DNAH5: variants seen among roughly 807,000 people sequenced by gnomAD.
DNAH5 encodes dynein axonemal heavy chain 5.
DNAH5 carries 372 observed loss-of-function variants against 518.2 expected under a neutral mutation model. The observed-to-expected ratio is 0.72, with a 90% CI of 0.66 to 0.78. The LOEUF (loss-of-function observed/expected upper bound fraction) is 0.78, where lower values mean the gene tolerates loss of function less well. Among genes scored for constraint, DNAH5 ranks in the 30% least tolerant of loss-of-function variants. The pLI, the probability that DNAH5 is intolerant of heterozygous loss-of-function variation, is 0.00. For missense variants in DNAH5, 5,523 were observed against 5,687.0 expected (o/e 0.97, Z 0.93); for synonymous variants, 2,039 against 2,025.9 (o/e 1.01, Z -0.17).
intron 50 of DNAH5, among the ~76,000 whole-genome samples, chr5:13,790,125 G>A (rs1756720930): frequency 6.6e-6 from 1 of 152,140 alleles, no homozygotes; most frequent in African/African-American, 2.4e-5. Context: ...TTCAAGCATT[G>A]TGGAATGCAC....
chr5:13,867,818 C>T lies in DNAH5; in HGVS notation c.4009G>A (p.Val1337Ile). ...AACTGGTGACAATCTTGGAGGAATA[C>T]CTCCACAGCACTAATAAGCTCTTTC... is the stretch of plus-strand genomic sequence containing the variant. ...FKKELISAVE[V>I]FLQDCHQFYL... The change falls in exon 25 of 79, where the codon GTA (valine) becomes ATA (isoleucine). Residue 1337 changes from valine to isoleucine, a missense_variant. Val to Ile is a conservative substitution (Grantham distance 29). Transcript: ENST00000265104. 2 of 1,613,966 alleles carry T rather than the reference C, an allele frequency of 1.2e-6. No homozygotes were observed. The highest frequency in any genetic ancestry group is 1.7e-6 in the Non-Finnish European group (2 of 1,179,940).
chr5:13,746,222 A>G (rs530533734), intron 65 of DNAH5, among the ~76,000 whole-genome samples: 4 of 152,142 alleles, frequency 2.6e-5, no homozygotes, highest in Non-Finnish European at 5.9e-5. Context: ...AGAAGCTCTT[A>G]CTAGGACAAT....
At chr5:13,996,800 C>G (rs940258514) in intron 1 of DNAH5, among the ~76,000 whole-genome samples, 1 of 152,236 alleles carries the variant, frequency 6.6e-6, no homozygotes, top group Non-Finnish European at 1.5e-5. Flanking sequence ...GCTGGGGTTG[C>G]ACACTGATGG....
At chr5:13,731,730 T>G (rs1222048497) in intron 68 of DNAH5, among the ~76,000 whole-genome samples, 1 of 152,188 alleles carries the variant, frequency 6.6e-6, no homozygotes, top group Non-Finnish European at 1.5e-5. Flanking sequence ...TAATGAAAGT[T>G]TTATACAAGC....
intron 75 of DNAH5, among the ~76,000 whole-genome samples, chr5:13,711,674 T>C (rs539391743): frequency 2.0e-5 from 3 of 152,328 alleles, no homozygotes; most frequent in East Asian, 3.9e-4. Flanking sequence ...GCAAAGTTTC[T>C]AGATACAAGA....
intron 52 of DNAH5, among the ~76,000 whole-genome samples, chr5:13,782,928 C>T (rs1455835075): frequency 6.6e-6 from 1 of 152,134 alleles, no homozygotes; most frequent in Non-Finnish European, 1.5e-5. Context: ...AGCAAGTACT[C>T]AAAAATGAAT....
chr5:13,865,916 A>C lies in DNAH5; in HGVS notation c.4117-10T>G. On this transcript the variant is annotated splice_polypyrimidine_tract_variant and intron_variant, in intron 26 of 78. Transcript: ENST00000265104. Reference sequence around the variant, plus strand: ...TATTATCAAATTGATTCTAATAAAAACACAAGTGAAAACGCATCAAAATGA... The same window carrying C: ...TATTATCAAATTGATTCTAATAAAACCACAAGTGAAAACGCATCAAAATGA... The C allele has an allele frequency of 6.5e-7, 1 of 1,532,488 alleles. No homozygotes were observed. Among genetic ancestry groups the C allele is most frequent in the Non-Finnish European group, 9.0e-7 (1 of 1,106,786 alleles). 94.9% of individuals were successfully genotyped at this position (1,532,488 alleles called of 1,614,324 possible). A position where few individuals can be genotyped will look rare whatever the true frequency, so the allele number is the denominator to read the frequency against.
intron 65 of DNAH5, among the ~76,000 whole-genome samples, chr5:13,738,107 A>G (rs1484640317): frequency 6.6e-6 from 1 of 150,404 alleles, no homozygotes; most frequent in Non-Finnish European, 1.5e-5. Context: ...AAAAAGGAGG[A>G]GGAGAAGTAA....
intron 1 of DNAH5, among the ~76,000 whole-genome samples, chr5:13,986,418 G>A (rs1364181208): frequency 6.6e-6 from 1 of 152,106 alleles, no homozygotes; most frequent in African/African-American, 2.4e-5. Flanking sequence ...GAGAACCCCG[G>A]GCCAAGCTGG....
chr5:13,848,959 T>C (rs1457243540), intron 31 of DNAH5, among the ~76,000 whole-genome samples: 1 of 152,198 alleles, frequency 6.6e-6, no homozygotes, highest in Non-Finnish European at 1.5e-5. Flanking sequence ...TCACCTAAAT[T>C]AGAGTAAACT....
chr5:13,925,881 G>C (rs567481807), intron 3 of DNAH5, among the ~76,000 whole-genome samples: 1 of 152,300 alleles, frequency 6.6e-6, no homozygotes, highest in East Asian at 1.9e-4. Flanking sequence ...CCCAGGACAG[G>C]GGGGTTTGCT....
chr5:13,868,977 G>C (rs1325197302), intron 24 of DNAH5, among the ~76,000 whole-genome samples: 1 of 152,124 alleles, frequency 6.6e-6, no homozygotes, highest in Non-Finnish European at 1.5e-5. Flanking sequence ...TTGTCTACTT[G>C]ATTCTACTTT....
intron 21 of DNAH5, among the ~76,000 whole-genome samples, chr5:13,879,013 G>T (rs1771274940): frequency 2.0e-5 from 3 of 151,992 alleles, no homozygotes; most frequent in African/African-American, 7.2e-5. Flanking sequence ...AGGGTAGGGG[G>T]GACAAAAAAT....
intron 35 of DNAH5, among the ~76,000 whole-genome samples, chr5:13,835,995 A>G (rs1432279467): frequency 1.3e-5 from 2 of 152,172 alleles, no homozygotes; most frequent in Non-Finnish European, 2.9e-5. Flanking sequence ...TTATTGGAAA[A>G]TGAGGTGAGA....
intron 40 of DNAH5, among the ~76,000 whole-genome samples, chr5:13,821,054 T>C (rs1762181799): frequency 6.6e-6 from 1 of 152,200 alleles, no homozygotes; most frequent in African/African-American, 2.4e-5. Flanking sequence ...AAATTTTATG[T>C]TGTATTTTTA....
chr5:13,815,757 A>G lies in DNAH5; in HGVS notation c.6989-911T>C, dbSNP rs115851070. Among the ~76,000 whole-genome samples, 1,347 of 152,316 alleles carry G rather than the reference A, an allele frequency of 8.8e-3. 22 individuals carry two copies. The highest frequency in any genetic ancestry group is 0.031 in the African/African-American group (1,292 of 41,556). On this transcript the variant is annotated intron_variant, in intron 42 of 78. Coordinates refer to ENST00000265104, the MANE Select transcript of DNAH5 (RefSeq NM_001369.3). ...AGCTATGGAACCCATTCTGGTTTGC[A>G]CCTAAGTCTAAGGCATCCAACAGAG...
chr5:13,865,478 G>A (rs1177382701), intron 27 of DNAH5, among the ~76,000 whole-genome samples, 190 bp downstream of exon 27: 9 of 152,188 alleles, frequency 5.9e-5, no homozygotes, highest in African/African-American at 2.2e-4. Flanking sequence ...GACAGAATGT[G>A]CTTGTCTCAT....
At chr5:13,758,094 A>G (rs1751261429) in intron 61 of DNAH5, among the ~76,000 whole-genome samples, 1 of 151,916 alleles carries the variant, frequency 6.6e-6, no homozygotes. Context: ...AAAAATCAGT[A>G]TGTATTTAAA....
intron 31 of DNAH5, among the ~76,000 whole-genome samples, chr5:13,846,515 T>A (rs1766028396): frequency 6.6e-6 from 1 of 152,166 alleles, no homozygotes; most frequent in South Asian, 2.1e-4. Flanking sequence ...ATTCGTCAAC[T>A]GCTGGACTCG....
Sources: gnomAD v4.1 joint callset for allele counts (sites outside exome capture counted in the v4.1 genomes callset) on GRCh38, gnomAD v4.1.1 for gene constraint, MANE v1.5 for transcripts, NCBI Gene and HGNC (gene_info 2026-07-23, HGNC 2026-07-21) for gene names.